Variants in RUBCN observed in about 807,000 individuals in gnomAD.
The protein encoded by RUBCN is run domain Beclin-1-interacting and cysteine-rich domain-containing protein.
Under a neutral mutation model 113.2 loss-of-function variants are expected in RUBCN, and 74 were observed. The ratio of observed to expected loss-of-function variants is 0.65; its 90% CI spans 0.54 to 0.79. The LOEUF is 0.79. Among genes scored for constraint, RUBCN ranks in the 30% least tolerant of loss-of-function variants. The pLI, the probability that RUBCN is intolerant of heterozygous loss-of-function variation, is 0.00. For synonymous variants in RUBCN, 480 were observed against 490.0 expected (o/e 0.98, Z 0.27); for missense variants, 1,109 against 1,251.7 (o/e 0.89, Z 1.72).
Position 197,704,719 on chromosome 3 carries a change from A to G in RUBCN, c.304-18T>C. 3 of 1,612,968 alleles carry G rather than the reference A, an allele frequency of 1.9e-6. No individual in the cohort carries two copies. The highest frequency in any genetic ancestry group is 2.5e-6 in the Non-Finnish European group (3 of 1,179,786). On this transcript the variant is annotated intron_variant, in intron 3 of 19. Transcript: ENST00000296343. Reference sequence around the variant, plus strand: ...CTGATGAACTGGGAAGCAAAGGGGCATGAGTCAAAACACACATCCTGGTAG... The same window carrying G: ...CTGATGAACTGGGAAGCAAAGGGGCGTGAGTCAAAACACACATCCTGGTAG...
chr3:197,688,985 T>C (rs1021921611), intron 11 of RUBCN, among the ~76,000 whole-genome samples: 3 of 152,018 alleles, frequency 2.0e-5, no homozygotes, highest in African/African-American at 7.2e-5. Flanking sequence ...CTTGGTAAAT[T>C]TACCAAAAAT....
chr3:197,708,176 C>G (rs1260289486), intron 2 of RUBCN, among the ~76,000 whole-genome samples: 2 of 151,646 alleles, frequency 1.3e-5, no homozygotes, highest in Non-Finnish European at 2.9e-5. Context: ...TGCTCTGTCA[C>G]CCAGGCTGGA....
rs1722714633 is a variant in RUBCN at position 197,693,968 on chromosome 3, TATCTGGGAAGCAA to T, written c.1685-165_1685-153del. 2.0e-5 allele frequency: 13 copies of T among 642,910 alleles called. 2 individuals carry two copies. In the South Asian group the frequency reaches 2.3e-4, roughly 11 times the overall value. The allele number at this position is 642,910 out of a possible 1,614,324, so 39.8% of individuals were successfully genotyped here. A position where few individuals can be genotyped will look rare whatever the true frequency, so the allele number is the denominator to read the frequency against. ...GTTTCAAGTAAATAGAAGGTACTAC[TATCTGGGAAGCAA>T]ATCTGGGAGCAGTGTTCTTAGGTCT... is the stretch of plus-strand genomic sequence containing the variant. On this transcript the variant is annotated intron_variant, in intron 10 of 19. Transcript: ENST00000296343.
chr3:197,681,419 C>A lies in RUBCN; in HGVS notation c.2192-52G>T. 2 of 1,381,730 alleles carry A rather than the reference C, an allele frequency of 1.4e-6. No individual in the cohort carries two copies. Among genetic ancestry groups the A allele is most frequent in the Non-Finnish European group, 2.1e-6 (2 of 970,066 alleles). The allele number at this position is 1,381,730 out of a possible 1,614,324, so 85.6% of individuals were successfully genotyped here. A position where few individuals can be genotyped will look rare whatever the true frequency, so the allele number is the denominator to read the frequency against. ...CAGATGTAACTTTCCCATCTACAAG[C>A]TGGGAAGGCAGCTCTGCTTTTCCCT... On this transcript the variant is annotated intron_variant, in intron 15 of 19. Transcript: ENST00000296343. The surrounding 1 kb of genome is among the most constrained non-coding windows in gnomAD (Gnocchi z 5.5).
At chr3:197,728,784 A>G (rs1432083770) in intron 1 of RUBCN, among the ~76,000 whole-genome samples, 1 of 152,242 alleles carries the variant, frequency 6.6e-6, no homozygotes, top group Admixed American at 6.5e-5. Context: ...GGGAGATGTC[A>G]GATGTGCTCT....
intron 2 of RUBCN, among the ~76,000 whole-genome samples, chr3:197,715,682 A>T (rs1725445088): frequency 6.6e-6 from 1 of 152,216 alleles, no homozygotes; most frequent in Non-Finnish European, 1.5e-5. Context: ...CACATGAAGG[A>T]GCTGAAAACT....
intron 1 of RUBCN, among the ~76,000 whole-genome samples, chr3:197,719,523 A>T (rs1054396990): frequency 6.6e-6 from 1 of 151,920 alleles, no homozygotes; most frequent in African/African-American, 2.4e-5. Flanking sequence ...CCAAAAGCAA[A>T]CATTAAGTAC....
In RUBCN at chr3:197,671,827, AG is replaced by A. The variant is rs946979907; in HGVS notation, c.*3190del. 7.9e-5 allele frequency: 12 copies of A among 152,338 alleles called. 1 individual carries two copies. Among genetic ancestry groups the A allele is most frequent in the Admixed American group, 7.8e-4 (12 of 15,304 alleles). The allele number at this position is 152,338 out of a possible 1,614,324, so 9.4% of individuals were successfully genotyped here. Reference sequence around the variant, plus strand: ...CCAGAGAAGTGAAGTGGTTCGCTCGAGGTCTCATGGCAAGTTAGAGACACAG... The same window carrying A: ...CCAGAGAAGTGAAGTGGTTCGCTCGAGTCTCATGGCAAGTTAGAGACACAG... On this transcript the variant is annotated 3_prime_UTR_variant, in exon 20 of 20. Coordinates refer to ENST00000296343, the MANE Select transcript of RUBCN (RefSeq NM_014687.4).
intron 1 of RUBCN, among the ~76,000 whole-genome samples, chr3:197,729,553 CCTGCTT>C (rs1209995555): frequency 1.7e-4 from 26 of 150,400 alleles, no homozygotes; most frequent in Admixed American, 4.7e-4. Context: ...GCGTCCGGCC[CCTGCTT>C]TTGTTTTGTT....
chr3:197,686,097 A>G (rs762533613), intron 11 of RUBCN, among the ~76,000 whole-genome samples: 5 of 152,236 alleles, frequency 3.3e-5, no homozygotes, highest in Non-Finnish European at 7.3e-5. Context: ...TCCCTGAATA[A>G]GGAGCTAACC....
rs750635335 is a variant in RUBCN, at chr3:197,681,410, A to G, written c.2192-43T>C. 1 of 1,480,374 alleles carries G rather than the reference A, an allele frequency of 6.8e-7. No individual in the cohort carries two copies. The highest frequency in any genetic ancestry group is 2.3e-5 in the East Asian group (1 of 44,224). The allele number at this position is 1,480,374 out of a possible 1,614,324, so 91.7% of individuals were successfully genotyped here. A position where few individuals can be genotyped will look rare whatever the true frequency, so the allele number is the denominator to read the frequency against. On this transcript the variant is annotated intron_variant, in intron 15 of 19. Coordinates refer to ENST00000296343, the MANE Select transcript of RUBCN (RefSeq NM_014687.4). This position sits in a 1 kb window ranked among gnomAD's most constrained non-coding sequence, Gnocchi z 5.5. The stretch of plus-strand genomic sequence containing the variant: ...CCAGAAAGCCAGATGTAACTTTCCC[A>G]TCTACAAGCTGGGAAGGCAGCTCTG...
intron 4 of RUBCN, 68 bp from the exon 5 acceptor site, chr3:197,703,722 C>G (rs1723966478): frequency 2.1e-6 from 2 of 952,340 alleles, no homozygotes; most frequent in Non-Finnish European, 3.4e-6. Context: ...CTTGAGGAAG[C>G]AGAAAGGGAG....
intron 7 of RUBCN, 115 bp from the exon 8 acceptor site, chr3:197,697,164 GGA>G (rs1056887640): frequency 2.9e-6 from 2 of 681,592 alleles, no homozygotes; most frequent in Non-Finnish European, 5.5e-6. Context: ...CTCCCAAGCA[GGA>G]GAGAGGCGGC....
At chr3:197,727,455 G>C (rs889775785) in intron 1 of RUBCN, among the ~76,000 whole-genome samples, 2 of 152,164 alleles carry the variant, frequency 1.3e-5, no homozygotes, top group Admixed American at 1.3e-4. Flanking sequence ...ATCAGGAAGG[G>C]TACCTAGAAT....
At chr3:197,732,206 A>AGACT (rs1007388882) in intron 1 of RUBCN, among the ~76,000 whole-genome samples, 1 of 152,240 alleles carries the variant, frequency 6.6e-6, no homozygotes, top group African/African-American at 2.4e-5. Context: ...GCTCAGCAGT[A>AGACT]GACTGCATGG....
rs1724969737 is a variant in RUBCN, at chr3:197,711,598, C to T, written c.219+6379G>A. 2.0e-5 allele frequency among the ~76,000 whole-genome samples: 3 copies of T among 152,002 alleles called. No individual in the cohort carries two copies. In the South Asian group the frequency reaches 6.2e-4, roughly 32 times the overall value. On this transcript the variant is annotated intron_variant, in intron 2 of 19. Transcript: ENST00000296343. Reference sequence around the variant, plus strand: ...GCCTGTAATCCCAGCACCTTGGGAGCCAAGCTGGGAGGCTGCCTGAGGCCA... The same window carrying T: ...GCCTGTAATCCCAGCACCTTGGGAGTCAAGCTGGGAGGCTGCCTGAGGCCA...
rs549225479 is a variant in RUBCN, at chr3:197,718,149, C to G, written c.66-19G>C. On this transcript the variant is annotated intron_variant, in intron 1 of 19. Coordinates refer to ENST00000296343, the MANE Select transcript of RUBCN (RefSeq NM_014687.4). Reference sequence around the variant, plus strand: ...CTCCCTCCTGCAAGGGCATCAGTTACACCAATCGTTAGTTACCTTTGCTGT... The same window carrying G: ...CTCCCTCCTGCAAGGGCATCAGTTAGACCAATCGTTAGTTACCTTTGCTGT... 5.6e-6 allele frequency: 9 copies of G among 1,614,128 alleles called. No homozygotes were observed. In the African/African-American group the frequency reaches 1.2e-4, roughly 22 times the overall value.
chr3:197,719,716 C>G (rs894206168), intron 1 of RUBCN, among the ~76,000 whole-genome samples: 1 of 152,086 alleles, frequency 6.6e-6, no homozygotes, highest in Non-Finnish European at 1.5e-5. Context: ...CTAAGATACA[C>G]CAAACAATCT....
At chr3:197,705,922 T>C (rs1724250901) in intron 2 of RUBCN, among the ~76,000 whole-genome samples, 1 of 152,018 alleles carries the variant, frequency 6.6e-6, no homozygotes, top group African/African-American at 2.4e-5. Flanking sequence ...GAGATGGGGT[T>C]TTACCATGTT....
Sources: gnomAD v4.1 joint callset for allele counts (sites outside exome capture counted in the v4.1 genomes callset) on GRCh38, gnomAD v4.1.1 for gene constraint, Gnocchi (gnomAD v3.1) non-coding constraint, MANE v1.5 for transcripts, NCBI Gene and HGNC (gene_info 2026-07-23, HGNC 2026-07-21) for gene names.